Variants in GABRG3 observed in about 807,000 individuals in gnomAD.
The protein encoded by GABRG3 is gamma-aminobutyric acid type A receptor subunit gamma3.
Under a neutral mutation model 48.8 loss-of-function variants are expected in GABRG3, and 25 were observed. The ratio of observed to expected loss-of-function variants is 0.51; its 90% CI spans 0.37 to 0.72. GABRG3 has a LOEUF of 0.72. GABRG3 is among the 30% of genes least tolerant of loss of function. GABRG3 has a pLI of 0.00. For synonymous variants in GABRG3, 227 were observed against 217.6 expected, an observed-to-expected ratio of 1.04 and a Z score of -0.38; for missense variants, 394 against 577.9, an observed-to-expected ratio of 0.68 and a Z score of 3.26.
chr15:27,234,942 G>A (rs907170734), intron 3 of GABRG3, among the ~76,000 whole-genome samples: 1 of 152,066 alleles, frequency 6.6e-6, no homozygotes, highest in Non-Finnish European at 1.5e-5. Flanking sequence ...CAGGGTGGAG[G>A]GAGATGAATA....
intron 3 of GABRG3, among the ~76,000 whole-genome samples, chr15:27,128,473 G>T (rs752930867): frequency 5.3e-5 from 8 of 152,152 alleles, no homozygotes; most frequent in African/African-American, 1.7e-4. Flanking sequence ...ATCTGCCCAC[G>T]CCTTGAAGCC....
chr15:27,167,669 C>T (rs534673529), intron 3 of GABRG3, among the ~76,000 whole-genome samples: 3 of 152,348 alleles, frequency 2.0e-5, no homozygotes, highest in East Asian at 3.9e-4. Context: ...AACAGCTGCT[C>T]CTCCTCTGAC....
chr15:27,143,844 A>G (rs1898150157), intron 3 of GABRG3, among the ~76,000 whole-genome samples: 1 of 152,210 alleles, frequency 6.6e-6, no homozygotes, highest in Non-Finnish European at 1.5e-5. Flanking sequence ...CTCTCAATCA[A>G]TTCATAAATT....
intron 3 of GABRG3, among the ~76,000 whole-genome samples, chr15:27,259,387 G>C (rs1595619181): frequency 6.6e-6 from 1 of 152,308 alleles, no homozygotes; most frequent in East Asian, 1.9e-4. Flanking sequence ...TCTTGGGGAT[G>C]TCCTTTGGTA....
chr15:27,330,480 G>C (rs1013168431), intron 5 of GABRG3, among the ~76,000 whole-genome samples: 1 of 152,198 alleles, frequency 6.6e-6, no homozygotes, highest in African/African-American at 2.4e-5. Context: ...CACCATGCAC[G>C]TGTTCTCACT....
At chr15:27,125,577 A>G (rs1897805800) in intron 3 of GABRG3, among the ~76,000 whole-genome samples, 1 of 152,258 alleles carries the variant, frequency 6.6e-6, no homozygotes, top group Non-Finnish European at 1.5e-5. Flanking sequence ...ATATTGAAGT[A>G]TCACTCTGTA....
intron 3 of GABRG3, among the ~76,000 whole-genome samples, chr15:27,219,808 G>A (rs1454876660): frequency 6.6e-6 from 1 of 152,280 alleles, no homozygotes; most frequent in Admixed American, 6.5e-5. Context: ...CCTACAATTA[G>A]TATGATTTAC....
At chr15:27,465,673 T>A (rs1044382225) in intron 5 of GABRG3, among the ~76,000 whole-genome samples, 2 of 152,190 alleles carry the variant, frequency 1.3e-5, no homozygotes, top group African/African-American at 4.8e-5. Context: ...TTCATTCCAG[T>A]CACCCAATCT....
At chr15:27,117,957 C>T (rs896004158) in intron 3 of GABRG3, among the ~76,000 whole-genome samples, 6 of 152,008 alleles carry the variant, frequency 3.9e-5, no homozygotes, top group African/African-American at 1.4e-4. Context: ...GGTGTAAGAC[C>T]TAGATTTGAA....
intron 5 of GABRG3, among the ~76,000 whole-genome samples, chr15:27,373,713 G>A (rs2140558058): frequency 6.6e-6 from 1 of 152,184 alleles, no homozygotes; most frequent in African/African-American, 2.4e-5. Flanking sequence ...TTTGCTGTTT[G>A]TTTTTGTTAA....
intron 3 of GABRG3, among the ~76,000 whole-genome samples, chr15:27,215,540 C>T (rs1221220361): frequency 6.6e-6 from 1 of 152,220 alleles, no homozygotes; most frequent in African/African-American, 2.4e-5. Context: ...GTTCTAACCT[C>T]TTCCTGAACA....
chr15:27,426,014 A>T (rs1888280589), intron 5 of GABRG3, among the ~76,000 whole-genome samples: 1 of 152,184 alleles, frequency 6.6e-6, no homozygotes, highest in African/African-American at 2.4e-5. Flanking sequence ...TAGAACAATC[A>T]CTCGTTAGCA....
chr15:27,204,112 A>C (rs1888775905), intron 3 of GABRG3, among the ~76,000 whole-genome samples: 1 of 152,124 alleles, frequency 6.6e-6, no homozygotes, highest in South Asian at 2.1e-4. Flanking sequence ...TTTGTCATGA[A>C]GTCTTTGCCA....
In GABRG3 at chr15:27,061,565, G is replaced by A. The variant is rs563578488; in HGVS notation, c.270+34744G>A. The stretch of plus-strand genomic sequence containing the variant: ...TTAAACTGTCTCAAGTTTCATCCAT[G>A]TATTTATGAGTGATGTTCCCGCATG... On this transcript the variant is annotated intron_variant, in intron 3 of 9. Coordinates refer to ENST00000615808, the MANE Select transcript of GABRG3 (RefSeq NM_033223.5). 6.6e-5 allele frequency among the ~76,000 whole-genome samples: 10 copies of A among 151,508 alleles called. No individual in the cohort carries two copies. In the South Asian group the frequency reaches 2.1e-3, roughly 32 times the overall value.
chr15:27,173,638 A>G (rs1887645385), intron 3 of GABRG3, among the ~76,000 whole-genome samples: 1 of 151,856 alleles, frequency 6.6e-6, no homozygotes, highest in Non-Finnish European at 1.5e-5. Flanking sequence ...TGAGAGGCCA[A>G]AGCAGGAGGA....
intron 5 of GABRG3, among the ~76,000 whole-genome samples, chr15:27,388,211 AAG>A (rs1896052867): frequency 2.7e-5 from 2 of 73,350 alleles, no homozygotes; most frequent in Non-Finnish European, 2.5e-5. Flanking sequence ...GAAGGAAGGA[AAG>A]GAGGAAGGAA....
At chr15:27,225,742 C>T (rs1385018380) in intron 3 of GABRG3, among the ~76,000 whole-genome samples, 2 of 152,114 alleles carry the variant, frequency 1.3e-5, no homozygotes, top group African/African-American at 4.8e-5. Flanking sequence ...TGCCCTCTAA[C>T]AGGTGCCCTC....
At chr15:26,992,077 G>A (rs1895260287) in intron 2 of GABRG3, among the ~76,000 whole-genome samples, 1 of 152,154 alleles carries the variant, frequency 6.6e-6, no homozygotes, top group African/African-American at 2.4e-5. Flanking sequence ...ATTTTTGTAT[G>A]TCAAACTGTA....
At chr15:27,468,555 G>T (rs1216111688) in intron 5 of GABRG3, among the ~76,000 whole-genome samples, 1 of 152,204 alleles carries the variant, frequency 6.6e-6, no homozygotes, top group Non-Finnish European at 1.5e-5. Context: ...TCAGCTCATA[G>T]CATCTGCAGC....
Sources: allele counts gnomAD v4.1 joint callset (sites outside exome capture counted in the v4.1 genomes callset), GRCh38; gene constraint gnomAD v4.1.1; transcripts MANE v1.5; gene names NCBI Gene and HGNC (gene_info 2026-07-23, HGNC 2026-07-21).